Variants in ESRRB observed in about 807,000 individuals in gnomAD.
ESRRB encodes the protein steroid hormone receptor ERR2.
A neutral mutation model predicts 46.0 loss-of-function variants in ESRRB; 16 were observed. The observed-to-expected ratio is 0.35, with a 90% CI of 0.24 to 0.53. The LOEUF (loss-of-function observed/expected upper bound fraction) is 0.53. ESRRB is among the 20% of genes least tolerant of loss of function. The probability of loss-of-function intolerance (pLI) is 0.93; values close to 1 mark genes in which losing one functional copy is unlikely to be tolerated. For synonymous variants in ESRRB, 246 were observed against 259.6 expected (o/e 0.95, Z 0.50); for missense variants, 488 against 607.4 (o/e 0.80, Z 2.07).
At chr14:76,352,164 C>T (rs1488648971) in intron 1 of ESRRB, among the ~76,000 whole-genome samples, 1 of 152,012 alleles carries the variant, frequency 6.6e-6, no homozygotes, top group African/African-American at 2.4e-5. Context: ...TCAGGAAAAC[C>T]ACTTACCCTC....
chr14:76,388,463 G>A (rs548198481), intron 1 of ESRRB, among the ~76,000 whole-genome samples: 19 of 152,134 alleles, frequency 1.2e-4, no homozygotes, highest in African/African-American at 4.6e-4. Context: ...GGGATTACAG[G>A]CGTGAGCCAC....
chr14:76,440,834 AC>A (rs1887893326), intron 2 of ESRRB, among the ~76,000 whole-genome samples: 1 of 152,062 alleles, frequency 6.6e-6, no homozygotes. Flanking sequence ...GGAGTTCAAG[AC>A]TAGCCTGGCC....
At chr14:76,318,634 C>A (rs1883830522) in intron 1 of ESRRB, among the ~76,000 whole-genome samples, 1 of 152,272 alleles carries the variant, frequency 6.6e-6, no homozygotes, top group South Asian at 2.1e-4. Context: ...TATAAGAACA[C>A]CTCCTTCACT....
At position 76,396,777 on chromosome 14, in the gene ESRRB, C is replaced by T. The variant is rs577205545; in HGVS notation, c.50+20326C>T. Among the ~76,000 whole-genome samples, 66 of 152,332 alleles carry T rather than the reference C, an allele frequency of 4.3e-4. 1 individual carries two copies. The highest frequency in any genetic ancestry group is 7.9e-4 in the Non-Finnish European group (54 of 68,030). On this transcript the variant is annotated intron_variant, in intron 1 of 6. Coordinates refer to ENST00000644823, the MANE Select transcript of ESRRB (RefSeq NM_001379180.1). ...AGGCTTAGCCCGGAGGCTCAACTTC[C>T]GGAGGCTCAACTCCCGGAGCCAGCG... is the stretch of plus-strand genomic sequence containing the variant.
intron 3 of ESRRB, chr14:76,463,435 A>G (rs1170257088): frequency 7.4e-6 from 1 of 134,638 alleles, no homozygotes; most frequent in Non-Finnish European, 1.6e-5. Context: ...TTAGCATCAC[A>G]TGCTTCTTTG....
intron 1 of ESRRB, among the ~76,000 whole-genome samples, chr14:76,385,919 C>T (rs2139809873): frequency 6.6e-6 from 1 of 152,256 alleles, no homozygotes; most frequent in South Asian, 2.1e-4. Context: ...GTATCTACCT[C>T]CCAGGGTTGT....
At chr14:76,351,068 C>A (rs186681502) in intron 1 of ESRRB, among the ~76,000 whole-genome samples, 1 of 152,166 alleles carries the variant, frequency 6.6e-6, no homozygotes, top group Non-Finnish European at 1.5e-5. Flanking sequence ...TCATTGAGGC[C>A]GGTGAGCTTT....
At chr14:76,457,591 AGAGCAGCCGTG>A (rs888352008) in intron 2 of ESRRB, among the ~76,000 whole-genome samples, 71 of 152,130 alleles carry the variant, frequency 4.7e-4, no homozygotes, top group Non-Finnish European at 1.9e-4. Context: ...AAAAATAAGC[AGAGCAGCCGTG>A]GTGGCCTGTT....
At chr14:76,453,420 C>T (rs1210264784) in intron 2 of ESRRB, among the ~76,000 whole-genome samples, 2 of 151,908 alleles carry the variant, frequency 1.3e-5, no homozygotes, top group Admixed American at 1.3e-4. Context: ...CTTAACAAAG[C>T]CCTTGATAGT....
intron 1 of ESRRB, among the ~76,000 whole-genome samples, chr14:76,336,936 TA>T (rs1212222290): frequency 6.6e-6 from 1 of 151,560 alleles, no homozygotes; most frequent in Non-Finnish European, 1.5e-5. Context: ...AGAGAACTAG[TA>T]AAGGAAGGAA....
chr14:76,484,317 C>G (rs1205392897), intron 5 of ESRRB, among the ~76,000 whole-genome samples: 1 of 151,964 alleles, frequency 6.6e-6, no homozygotes, highest in African/African-American at 2.4e-5. Flanking sequence ...CCTGGGCATT[C>G]TGACCAGGGA....
chr14:76,341,386 C>A lies in ESRRB; in HGVS notation c.2+30470C>A, dbSNP rs1595049794. ...AACATTCACACCTCACTGGCGGGGGCTTCAGCAAACAGTTCATGTACTCCC... is the reference window on the plus strand; with the variant it reads ...AACATTCACACCTCACTGGCGGGGGATTCAGCAAACAGTTCATGTACTCCC... On this transcript the variant is annotated intron_variant, in intron 1 of 6. Transcript: ENST00000512784. Among the ~76,000 whole-genome samples the A allele has an allele frequency of 3.3e-5, 5 of 152,222 alleles. No individual in the cohort carries two copies. The East Asian group carries it at 7.7e-4, about 23-fold the overall frequency.
chr14:76,346,064 G>A (rs763631160), intron 1 of ESRRB, among the ~76,000 whole-genome samples: 1 of 152,048 alleles, frequency 6.6e-6, no homozygotes. Flanking sequence ...AACGCTTGGT[G>A]TTTCTTGGCC....
chr14:76,467,967 A>G (rs1230408283), intron 3 of ESRRB, among the ~76,000 whole-genome samples: 1 of 152,020 alleles, frequency 6.6e-6, no homozygotes, highest in Admixed American at 6.5e-5. Flanking sequence ...TCTAAAAGAT[A>G]TTTGATTTCA....
chr14:76,415,419 T>G (rs2139873573), intron 1 of ESRRB, among the ~76,000 whole-genome samples: 1 of 152,242 alleles, frequency 6.6e-6, no homozygotes, highest in East Asian at 1.9e-4. Context: ...CCCAGCACTT[T>G]GGGAGGCCGA....
rs1321525716 is a variant in ESRRB, at chr14:76,491,447, G to A, written c.851G>A (p.Gly284Asp). 2.5e-6 allele frequency: 4 copies of A among 1,607,014 alleles called. No individual in the cohort carries two copies. The highest frequency in any genetic ancestry group is 1.3e-5 in the African/African-American group (1 of 74,858). ...VIIGWAKHIP[G>D]FSSLSLGDQM... ...CCCTCTGTGCCCCCTCTTCCTGCAG[G>A]CTTCTCAAGCCTCTCCCTGGGGGAC... Residue 284 changes from glycine (G) to aspartate (D), a missense_variant and splice_region_variant, in exon 6 of 7, where the codon GGC becomes GAC. Transcript: ENST00000644823.
intron 1 of ESRRB, among the ~76,000 whole-genome samples, chr14:76,429,517 A>C (rs1041135644): frequency 2.0e-4 from 30 of 152,108 alleles, no homozygotes; most frequent in African/African-American, 7.0e-4. Context: ...TTGGGAGGCC[A>C]AGACGGGTGG....
intron 1 of ESRRB, among the ~76,000 whole-genome samples, chr14:76,408,580 A>T (rs1886296048): frequency 7.6e-6 from 1 of 131,232 alleles, no homozygotes; most frequent in Admixed American, 8.6e-5. Flanking sequence ...TGACAGAGTG[A>T]GACCCTGTCT....
upstream of ESRRB, among the ~76,000 whole-genome samples, chr14:76,372,161 G>A (rs1443426074): frequency 6.6e-6 from 1 of 152,166 alleles, no homozygotes; most frequent in African/African-American, 2.4e-5. Context: ...ACTTAGGCAG[G>A]CTGGGGTGGG....
Sources: gnomAD v4.1 joint callset for allele counts (sites outside exome capture counted in the v4.1 genomes callset) on GRCh38, gnomAD v4.1.1 for gene constraint, MANE v1.5 for transcripts, NCBI Gene and HGNC (gene_info 2026-07-23, HGNC 2026-07-21) for gene names.